CARMIL1: variants seen among roughly 807,000 people sequenced by gnomAD.
CARMIL1 encodes the protein F-actin-uncapping protein LRRC16A.
CARMIL1 carries 90 observed loss-of-function variants against 177.1 expected under a neutral mutation model. The ratio of observed to expected loss-of-function variants is 0.51; its 90% CI spans 0.43 to 0.61. The LOEUF is 0.61. Among genes scored for constraint, CARMIL1 ranks in the 20% least tolerant of loss-of-function variants. CARMIL1 has a pLI of 0.00. For synonymous variants in CARMIL1, 577 were observed against 606.2 expected, an observed-to-expected ratio of 0.95 and a Z score of 0.71; for missense variants, 1,380 against 1,667.0, an observed-to-expected ratio of 0.83 and a Z score of 3.00.
chr6:25,614,694 G>A (rs1816758801), intron 36 of CARMIL1, among the ~76,000 whole-genome samples: 1 of 152,160 alleles, frequency 6.6e-6, no homozygotes, highest in Non-Finnish European at 1.5e-5. Context: ...CATCATTAAT[G>A]CAATGTTCCT....
chr6:25,334,050 T>G lies in CARMIL1; in HGVS notation c.138+49141T>G, dbSNP rs1438236479. Among the ~76,000 whole-genome samples, 3 of 152,214 alleles carry G rather than the reference T, an allele frequency of 2.0e-5. No homozygotes were observed. The East Asian group carries it at 5.8e-4, about 29-fold the overall frequency. ...GTGTATGTGTGTGCAGGACAACACT[T>G]AAAGTGGTTATTCTTTCTTCAAAGA... On this transcript the variant is annotated intron_variant, in intron 2 of 36. Transcript: ENST00000329474.
intron 2 of CARMIL1, among the ~76,000 whole-genome samples, chr6:25,340,772 T>A (rs1426021589): frequency 3.1e-5 from 4 of 127,710 alleles, no homozygotes; most frequent in Admixed American, 9.1e-5. Flanking sequence ...AGGCTGTCAA[T>A]GAAGGTTTTT....
intron 32 of CARMIL1, among the ~76,000 whole-genome samples, chr6:25,596,340 CT>C (rs1302807632): frequency 6.6e-6 from 1 of 152,082 alleles, no homozygotes; most frequent in African/African-American, 2.4e-5. Context: ...TCAGTCCAAT[CT>C]TTAAAGGTCA....
intron 2 of CARMIL1, among the ~76,000 whole-genome samples, chr6:25,324,997 G>T (rs1182024112): frequency 6.6e-6 from 1 of 152,152 alleles, no homozygotes; most frequent in Non-Finnish European, 1.5e-5. Flanking sequence ...CTTAGGTCCT[G>T]AGCTTTCTCA....
intron 2 of CARMIL1, chr6:25,393,661 G>A (rs1238376248): frequency 6.6e-6 from 1 of 151,288 alleles, no homozygotes; most frequent in Admixed American, 6.6e-5. Context: ...ATCACTTGAA[G>A]CCAGGAGTTT....
rs1812710728 is a variant in CARMIL1 at position 25,577,541 on chromosome 6, C to A, written c.2743-3383C>A. ...AGAGTGTTATTTATTATTCTTTGAG[C>A]AAATGTGGCAAAAACAAAGCACCTC... On this transcript the variant is annotated intron_variant, in intron 29 of 36. Coordinates refer to ENST00000329474, the MANE Select transcript of CARMIL1 (RefSeq NM_017640.6). The surrounding 1 kb of genome is among the most constrained non-coding windows in gnomAD (Gnocchi z 4.5). 6.6e-6 allele frequency among the ~76,000 whole-genome samples: 1 copy of A among 151,112 alleles called. No homozygotes were observed. The highest frequency in any genetic ancestry group is 2.1e-4 in the South Asian group (1 of 4,786).
intron 2 of CARMIL1, among the ~76,000 whole-genome samples, chr6:25,291,727 G>A (rs1049398822): frequency 6.6e-6 from 1 of 152,096 alleles, no homozygotes; most frequent in Non-Finnish European, 1.5e-5. Flanking sequence ...ACCTATAATA[G>A]TGTAAACCTA....
At chr6:25,578,871 TC>T (rs1812850204) in intron 29 of CARMIL1, among the ~76,000 whole-genome samples, 1 of 152,090 alleles carries the variant, frequency 6.6e-6, no homozygotes, top group Non-Finnish European at 1.5e-5. Flanking sequence ...TTTCTGATAT[TC>T]AAGCTTTCTA....
intron 25 of CARMIL1, among the ~76,000 whole-genome samples, chr6:25,539,302 G>T (rs1808646015): frequency 1.3e-5 from 2 of 152,006 alleles, no homozygotes; most frequent in African/African-American, 4.8e-5. Context: ...GGCAAACTCT[G>T]GGTAGACAGT....
intron 2 of CARMIL1, among the ~76,000 whole-genome samples, chr6:25,411,722 C>T (rs1239006158): frequency 6.6e-6 from 1 of 152,184 alleles, no homozygotes; most frequent in Non-Finnish European, 1.5e-5. Flanking sequence ...TGGATTTGCA[C>T]AGGTGTTAGA....
At chr6:25,415,112 A>T (rs1795247578) in intron 2 of CARMIL1, among the ~76,000 whole-genome samples, 1 of 152,208 alleles carries the variant, frequency 6.6e-6, no homozygotes, top group Admixed American at 6.5e-5. Context: ...TACTCAAAAG[A>T]TGAATCCATA....
intron 36 of CARMIL1, among the ~76,000 whole-genome samples, chr6:25,618,721 G>A (rs929328063): frequency 2.6e-5 from 4 of 152,118 alleles, no homozygotes; most frequent in African/African-American, 4.8e-5. Context: ...TTCTCCTATC[G>A]CTGCTTTATA....
At position 25,536,459 on chromosome 6, in the gene CARMIL1, A is replaced by T. The variant is rs1486472495; in HGVS notation, c.2068-1396A>T. The stretch of plus-strand genomic sequence containing the variant: ...CATACAACTTCTTTTTCCTAGGGGG[A>T]TCTCAAGATAATAACGTATGTAACC... On this transcript the variant is annotated intron_variant, in intron 24 of 36. Coordinates refer to ENST00000329474, the MANE Select transcript of CARMIL1 (RefSeq NM_017640.6). Among the ~76,000 whole-genome samples the T allele has an allele frequency of 2.0e-5, 3 of 152,130 alleles. No individual in the cohort carries two copies. The East Asian group carries it at 5.8e-4, about 29-fold the overall frequency.
At chr6:25,399,883 G>A (rs753769948) in intron 2 of CARMIL1, among the ~76,000 whole-genome samples, 37 of 152,128 alleles carry the variant, frequency 2.4e-4, no homozygotes, top group African/African-American at 8.7e-4. Context: ...TTGTTAGCTA[G>A]GCTGTGTGCT....
At chr6:25,436,129 G>A (rs1474684376) in intron 5 of CARMIL1, among the ~76,000 whole-genome samples, 2 of 152,016 alleles carry the variant, frequency 1.3e-5, no homozygotes, top group Non-Finnish European at 2.9e-5. Context: ...GTTCATCCAT[G>A]CCCTCATATT....
intron 16 of CARMIL1, among the ~76,000 whole-genome samples, chr6:25,495,694 T>C (rs990325255): frequency 1.3e-5 from 2 of 152,228 alleles, no homozygotes; most frequent in African/African-American, 2.4e-5. Context: ...GAGGTTAGCA[T>C]GGGCTATTTG....
chr6:25,488,917 A>C (rs965458655), intron 13 of CARMIL1, among the ~76,000 whole-genome samples: 7 of 152,180 alleles, frequency 4.6e-5, no homozygotes, highest in Non-Finnish European at 8.8e-5. Flanking sequence ...CTGTAATCCC[A>C]GCACTTTGGG....
chr6:25,300,391 G>A lies in CARMIL1; in HGVS notation c.138+15482G>A, dbSNP rs114769817. Among the ~76,000 whole-genome samples the A allele has an allele frequency of 8.1e-3, 1,230 of 152,328 alleles. 18 individuals carry two copies. Among genetic ancestry groups the A allele is most frequent in the African/African-American group, 0.028 (1,159 of 41,564 alleles). On this transcript the variant is annotated intron_variant, in intron 2 of 36. Transcript: ENST00000329474. ...TATCAAAAATGCAAAAGCAGGCCAA[G>A]CGTGGTGGCTCATGCCTGTAATCCC...
intron 2 of CARMIL1, among the ~76,000 whole-genome samples, chr6:25,391,629 A>T (rs1792828401): frequency 6.6e-6 from 1 of 152,186 alleles, no homozygotes; most frequent in Admixed American, 6.5e-5. Flanking sequence ...GAATTTAATA[A>T]ATTAATGACA....
Sources: gnomAD v4.1 joint callset for allele counts (sites outside exome capture counted in the v4.1 genomes callset) on GRCh38, gnomAD v4.1.1 for gene constraint, Gnocchi (gnomAD v3.1) non-coding constraint, MANE v1.5 for transcripts, NCBI Gene and HGNC (gene_info 2026-07-23, HGNC 2026-07-21) for gene names.